The following ODAD2 variants were observed in gnomAD, a reference collection of about 807,000 sequenced individuals.
The protein encoded by ODAD2 is outer dynein arm-docking complex subunit 2.
A neutral mutation model predicts 106.8 loss-of-function variants in ODAD2; 89 were observed. That is an observed-to-expected ratio of 0.83 (90% CI 0.70 to 0.99). The LOEUF (loss-of-function observed/expected upper bound fraction) is 0.99. Among genes scored for constraint, ODAD2 ranks in the 50% least tolerant of loss-of-function variants. The pLI is 0.00. For missense variants in ODAD2, 1,168 were observed against 1,238.5 expected (o/e 0.94, Z 0.85); for synonymous variants, 404 against 436.2 (o/e 0.93, Z 0.92).
intron 11 of ODAD2, 150 bp downstream of exon 11, chr10:27,944,666 A>C: frequency 9.7e-7 from 1 of 1,028,948 alleles, no homozygotes. Context: ...AAAAAGAGAA[A>C]GCTCAGTGAA....
chr10:27,923,793 T>C (rs1260016094), intron 16 of ODAD2, among the ~76,000 whole-genome samples: 1 of 151,434 alleles, frequency 6.6e-6, no homozygotes, highest in Non-Finnish European at 1.5e-5. Flanking sequence ...ACAAAAAATT[T>C]TTGAAATTAG....
At chr10:27,920,345 C>T (rs969986700) in intron 16 of ODAD2, among the ~76,000 whole-genome samples, 3 of 152,086 alleles carry the variant, frequency 2.0e-5, no homozygotes, top group Non-Finnish European at 2.9e-5. Context: ...TACACGTATG[C>T]GCTCTCACAG....
intron 2 of ODAD2, among the ~76,000 whole-genome samples, chr10:27,988,062 C>T (rs1849990031): frequency 6.7e-6 from 1 of 149,848 alleles, no homozygotes; most frequent in Admixed American, 6.7e-5. Flanking sequence ...ATTCCTTTCC[C>T]ACTCTAAACT....
At chr10:27,896,527 A>AGGT (rs1842865806) in intron 17 of ODAD2, among the ~76,000 whole-genome samples, 1 of 152,186 alleles carries the variant, frequency 6.6e-6, no homozygotes, top group African/African-American at 2.4e-5. Context: ...TAAAATAAGG[A>AGGT]GGTGCCTCTT....
chr10:27,879,560 T>C (rs1430146911), intron 17 of ODAD2, among the ~76,000 whole-genome samples: 1 of 151,962 alleles, frequency 6.6e-6, no homozygotes, highest in Non-Finnish European at 1.5e-5. Context: ...TTCTAAACAG[T>C]GAGTTGTACG....
chr10:27,861,170 T>A (rs973915879), intron 18 of ODAD2, among the ~76,000 whole-genome samples: 1 of 152,132 alleles, frequency 6.6e-6, no homozygotes, highest in African/African-American at 2.4e-5. Context: ...TTTTGTATTT[T>A]TAGTAGAGAA....
At chr10:27,944,553 A>ATGTGTGTAACCTCTGGGAAT in intron 11 of ODAD2, 122 bp from the exon 12 acceptor site, 1 of 904,620 alleles carries the variant, frequency 1.1e-6, no homozygotes, top group Non-Finnish European at 1.7e-6. Context: ...CCATTCCCAG[A>ATGTGTGTAACCTCTGGGAAT]GGTTACACAC....
chr10:27,848,861 C>A (rs1243930956), intron 19 of ODAD2, among the ~76,000 whole-genome samples: 1 of 152,198 alleles, frequency 6.6e-6, no homozygotes, highest in African/African-American at 2.4e-5. Context: ...GATACCATCT[C>A]ACACCAGTTA....
chr10:27,827,227 A>T (rs1837114236), intron 19 of ODAD2, among the ~76,000 whole-genome samples: 1 of 151,846 alleles, frequency 6.6e-6, no homozygotes, highest in South Asian at 2.1e-4. Flanking sequence ...ATGACTCAGG[A>T]CATCATGGTA....
chr10:27,951,075 C>T (rs1847297873), intron 10 of ODAD2, among the ~76,000 whole-genome samples: 1 of 151,922 alleles, frequency 6.6e-6, no homozygotes, highest in African/African-American at 2.4e-5. Context: ...GTTTTAGATA[C>T]ACATGGAAAA....
chr10:27,815,516 G>A (rs1836060186), intron 19 of ODAD2, among the ~76,000 whole-genome samples: 1 of 152,104 alleles, frequency 6.6e-6, no homozygotes. Context: ...CCTTCCATGT[G>A]GCTAAGAGTA....
chr10:27,974,900 T>A (rs1203187965), intron 7 of ODAD2, among the ~76,000 whole-genome samples: 1 of 152,182 alleles, frequency 6.6e-6, no homozygotes, highest in Non-Finnish European at 1.5e-5. Flanking sequence ...TTTGTTTGTG[T>A]CATCTCTGAT....
At chr10:27,867,358 T>C (rs539018185) in intron 17 of ODAD2, among the ~76,000 whole-genome samples, 3 of 152,252 alleles carry the variant, frequency 2.0e-5, no homozygotes, top group African/African-American at 7.2e-5. Flanking sequence ...TGCTGGGGTG[T>C]TCTGTTAGGC....
intron 19 of ODAD2, 55 bp from the exon 20 acceptor site, chr10:27,812,680 A>G: frequency 1.3e-6 from 2 of 1,511,010 alleles, no homozygotes; most frequent in East Asian, 2.5e-5. Context: ...ATTAATCTAA[A>G]GACATAAAGT....
intron 19 of ODAD2, among the ~76,000 whole-genome samples, chr10:27,839,376 G>C (rs1468792737): frequency 6.6e-6 from 1 of 152,196 alleles, no homozygotes; most frequent in Non-Finnish European, 1.5e-5. Flanking sequence ...GTAACTCAGA[G>C]GGAAATGACT....
intron 19 of ODAD2, among the ~76,000 whole-genome samples, chr10:27,819,875 A>T (rs1043984686): frequency 6.6e-6 from 1 of 151,502 alleles, no homozygotes; most frequent in African/African-American, 2.4e-5. Context: ...TTCAAGTGCT[A>T]TTGGGTTGCT....
At chr10:27,914,280 C>T (rs58190321) in intron 16 of ODAD2, among the ~76,000 whole-genome samples, 5,239 of 152,074 alleles carry the variant, frequency 0.034, 322 homozygotes, top group African/African-American at 0.12. Context: ...CCTTTAATTA[C>T]GCTGGTGACC....
intron 17 of ODAD2, among the ~76,000 whole-genome samples, chr10:27,897,941 C>T (rs184704340): frequency 1.5e-4 from 23 of 151,844 alleles, no homozygotes; most frequent in South Asian, 1.0e-3. Flanking sequence ...TGCTTGCATA[C>T]GAGACCAGCC....
chr10:27,893,075 C>T (rs1193760764), intron 17 of ODAD2, among the ~76,000 whole-genome samples: 1 of 151,960 alleles, frequency 6.6e-6, no homozygotes, highest in Non-Finnish European at 1.5e-5. Flanking sequence ...AGGAGAATCG[C>T]TTGAACCCAG....
Sources: allele counts gnomAD v4.1 joint callset (sites outside exome capture counted in the v4.1 genomes callset), GRCh38; gene constraint gnomAD v4.1.1; transcripts MANE v1.5; gene names NCBI Gene and HGNC (gene_info 2026-07-23, HGNC 2026-07-21).